LRRC51: variants seen among roughly 807,000 people sequenced by gnomAD.
LRRC51 encodes the protein leucine rich repeat containing 51.
LRRC51 carries 8 observed loss-of-function variants against 17.8 expected under a neutral mutation model. The observed-to-expected ratio is 0.45, with a 90% CI of 0.26 to 0.81. The LOEUF is 0.81. LRRC51 is among the 30% of genes least tolerant of loss of function. The pLI is 0.17. For missense variants in LRRC51, 233 were observed against 239.3 expected, an observed-to-expected ratio of 0.97 and a Z score of 0.17; for synonymous variants, 92 against 96.0, an observed-to-expected ratio of 0.96 and a Z score of 0.24.
intron 3 of LRRC51, among the ~76,000 whole-genome samples, chr11:72,091,829 T>A (rs1027946908): frequency 6.6e-6 from 1 of 152,190 alleles, no homozygotes; most frequent in Non-Finnish European, 1.5e-5. Context: ...CAAGCAATCC[T>A]CCTGTCTTGG....
chr11:72,094,284 C>CAAA (rs1280494529), intron 4 of LRRC51, among the ~76,000 whole-genome samples: 1 of 81,316 alleles, frequency 1.2e-5, no homozygotes, highest in Non-Finnish European at 2.6e-5. Context: ...GACTCCGTCT[C>CAAA]AAAAAAAAAA....
At chr11:72,094,551 G>A in intron 4 of LRRC51, 1 of 610,272 alleles carries the variant, frequency 1.6e-6, no homozygotes, top group Non-Finnish European at 2.9e-6. Flanking sequence ...CCCCTGGTGT[G>A]GTGATCTCAA....
At chr11:72,083,742 A>C (rs1001570979) in intron 1 of LRRC51, 4 of 152,180 alleles carry the variant, frequency 2.6e-5, no homozygotes, top group African/African-American at 9.7e-5. Context: ...CTGAAATAAG[A>C]ATTAGCAAAG....
At chr11:72,089,456 T>G in intron 3 of LRRC51, 2 of 1,343,842 alleles carry the variant, frequency 1.5e-6, no homozygotes, top group Non-Finnish European at 1.9e-6. Context: ...CAGTAGTTGA[T>G]CATCTTTAAA....
intron 1 of LRRC51, among the ~76,000 whole-genome samples, chr11:72,082,041 G>A (rs978717962): frequency 2.6e-5 from 4 of 152,152 alleles, no homozygotes; most frequent in Non-Finnish European, 4.4e-5. Context: ...TCAGCCTACT[G>A]CCTCTATAGC....
At chr11:72,089,410 T>A in intron 3 of LRRC51, 2 of 1,442,018 alleles carry the variant, frequency 1.4e-6, no homozygotes, top group Non-Finnish European at 1.8e-6. Flanking sequence ...TTGTTTTTTT[T>A]AAGCAGCAAA....
At chr11:72,091,813 T>G (rs920695168) in intron 3 of LRRC51, among the ~76,000 whole-genome samples, 1 of 152,188 alleles carries the variant, frequency 6.6e-6, no homozygotes, top group South Asian at 2.1e-4. Flanking sequence ...CTCAAACGCC[T>G]AGGCTCAAGC....
rs771408588 is a variant in LRRC51 at position 72,095,499 on chromosome 11, G to C, written c.558G>C (p.Trp186Cys). 6.2e-7 allele frequency: 1 copy of C among 1,613,986 alleles called. No homozygotes were observed. Among genetic ancestry groups the C allele is most frequent in the Non-Finnish European group, 8.5e-7 (1 of 1,179,978 alleles). ...TGAACATCAAGCCCAAGAAGGCCTG[G>C]ACCAAGCAGAATACACTTTGAGGCT... ...KRMNIKPKKA[W>C]TKQNTL Residue 186 changes from tryptophan (W) to cysteine (C), a missense_variant, in exon 6 of 6, where the codon TGG becomes TGC. Physicochemically the swap from Trp to Cys is radical, Grantham distance 215. Coordinates refer to ENST00000289488, the MANE Select transcript of LRRC51 (RefSeq NM_145309.6).
chr11:72,089,758 A>G (rs1335395273), intron 3 of LRRC51, among the ~76,000 whole-genome samples: 1 of 152,132 alleles, frequency 6.6e-6, no homozygotes, highest in Non-Finnish European at 1.5e-5. Flanking sequence ...ATCATCACCT[A>G]CACTTATTGC....
At position 72,089,660 on chromosome 11, in the gene LRRC51, G is replaced by A; in HGVS notation, c.82+495G>A. On this transcript the variant is annotated intron_variant, in intron 3 of 5. Coordinates refer to ENST00000289488, the MANE Select transcript of LRRC51 (RefSeq NM_145309.6). ...CTAATCTGACTGGCCAAACATGAGG[G>A]GTCTTATCTACAAACTGGCATATTT... 5.8e-6 allele frequency: 6 copies of A among 1,034,842 alleles called. No homozygotes were observed. The South Asian group carries it at 6.3e-5, about 11-fold the overall frequency. 64.1% of individuals were successfully genotyped at this position (1,034,842 alleles called of 1,614,324 possible). A position where few individuals can be genotyped will look rare whatever the true frequency, so the allele number is the denominator to read the frequency against.
chr11:72,090,138 AC>A (rs1306116035), intron 3 of LRRC51, among the ~76,000 whole-genome samples: 1 of 152,210 alleles, frequency 6.6e-6, no homozygotes, highest in African/African-American at 2.4e-5. Context: ...GTGGTAACTC[AC>A]GTTTGTTCTC....
intron 3 of LRRC51, chr11:72,089,674 A>G (rs1944747658): frequency 2.0e-6 from 2 of 977,612 alleles, no homozygotes; most frequent in South Asian, 2.1e-5. Flanking sequence ...TTATCTACAA[A>G]CTGGCATATT....
chr11:72,091,516 AAG>A (rs1014314860), intron 3 of LRRC51, among the ~76,000 whole-genome samples: 17 of 152,250 alleles, frequency 1.1e-4, no homozygotes, highest in Non-Finnish European at 1.5e-4. Flanking sequence ...TAGAGAGCAG[AAG>A]AGAGTGAAGA....
intron 1 of LRRC51, among the ~76,000 whole-genome samples, chr11:72,087,260 T>C (rs1252968020): frequency 6.6e-6 from 1 of 151,926 alleles, no homozygotes; most frequent in Middle Eastern, 3.4e-3. Context: ...TTATAAGATA[T>C]CAGGTCCTTG....
chr11:72,087,132 ACTG>A (rs1232523013), intron 1 of LRRC51, among the ~76,000 whole-genome samples: 3 of 152,206 alleles, frequency 2.0e-5, no homozygotes, highest in South Asian at 4.1e-4. Flanking sequence ...CTCAGCTGGT[ACTG>A]CTATTTTTTC....
chr11:72,089,274 C>T, intron 3 of LRRC51, 109 bp downstream of exon 3: 1 of 1,561,064 alleles, frequency 6.4e-7, no homozygotes, highest in Non-Finnish European at 8.8e-7. Context: ...TTCCCATATG[C>T]TTGCAGATGT....
Position 72,089,050 on chromosome 11 carries a change from C to A in LRRC51, c.-34C>A. The A allele has an allele frequency of 6.2e-7, 1 of 1,612,626 alleles. No homozygotes were observed. Among genetic ancestry groups the A allele is most frequent in the Middle Eastern group, 2.0e-4 (1 of 5,060 alleles). Reference sequence around the variant, plus strand: ...CCAGGCTGAACCCAGACTCCCAGGGCACCTGCTTGCACCTTTGAATGATGG... The same window carrying A: ...CCAGGCTGAACCCAGACTCCCAGGGAACCTGCTTGCACCTTTGAATGATGG... On this transcript the variant is annotated 5_prime_UTR_variant, in exon 3 of 6. Transcript: ENST00000289488.
Position 72,096,699 on chromosome 11 carries a change from C to G in LRRC51, c.*1179C>G. ...TAGAGATTTGGGGGTTAAAGTAGAT[C>G]AGTAATTTCCAAACTCTTCACAGAG... On this transcript the variant is annotated 3_prime_UTR_variant, in exon 6 of 6. Coordinates refer to ENST00000289488, the MANE Select transcript of LRRC51 (RefSeq NM_145309.6). 1.3e-6 allele frequency: 2 copies of G among 1,548,500 alleles called. No individual in the cohort carries two copies. The highest frequency in any genetic ancestry group is 8.7e-7 in the Non-Finnish European group (1 of 1,145,498).
At chr11:72,086,404 A>G (rs1293102573) in intron 1 of LRRC51, 2 of 702,116 alleles carry the variant, frequency 2.8e-6, no homozygotes, top group East Asian at 2.7e-5. Flanking sequence ...ATTGAATTGA[A>G]TATCTTACTG....
Sources: gnomAD v4.1 joint callset for allele counts (sites outside exome capture counted in the v4.1 genomes callset) on GRCh38, gnomAD v4.1.1 for gene constraint, MANE v1.5 for transcripts, NCBI Gene and HGNC (gene_info 2026-07-23, HGNC 2026-07-21) for gene names.